DUSP10: variants seen among roughly 807,000 people sequenced by gnomAD.
The protein encoded by DUSP10 is dual specificity phosphatase 10, also known as dual specificity protein phosphatase 10.
A neutral mutation model predicts 30.8 loss-of-function variants in DUSP10; 14 were observed. The observed-to-expected ratio is 0.46, with a 90% CI of 0.30 to 0.71. The LOEUF (loss-of-function observed/expected upper bound fraction) is 0.71, where lower values mean the gene tolerates loss of function less well. Among genes scored for constraint, DUSP10 ranks in the 30% least tolerant of loss-of-function variants. The pLI, the probability that DUSP10 is intolerant of heterozygous loss-of-function variation, is 0.08. For missense variants in DUSP10, 550 were observed against 619.4 expected (o/e 0.89, Z 1.19); for synonymous variants, 254 against 250.4 (o/e 1.01, Z -0.14).
In DUSP10 at chr1:221,702,566, G is replaced by A. The variant is rs1422261499; in HGVS notation, c.1295C>T (p.Thr432Ile). The A allele has an allele frequency of 6.2e-7, 1 of 1,614,158 alleles. No individual in the cohort carries two copies. Among genetic ancestry groups the A allele is most frequent in the East Asian group, 2.2e-5 (1 of 44,872 alleles). ...YLMKHTRMTM[T>I]DAYKFVKGKR... Reference sequence around the variant, plus strand: ...GCCTTTGACAAATTTATAAGCATCAGTCATGGTCATCCGAGTGTGCTTCAT... The same window carrying A: ...GCCTTTGACAAATTTATAAGCATCAATCATGGTCATCCGAGTGTGCTTCAT... Residue 432 changes from threonine to isoleucine, a missense_variant, in exon 4 of 4, where the codon ACT becomes ATT. Transcript: ENST00000366899. This position sits in a 1 kb window ranked among gnomAD's most constrained non-coding sequence, Gnocchi z 4.5.
chr1:221,713,167 G>T lies in DUSP10; in HGVS notation c.812-6701C>A, dbSNP rs73110829. ...AGTAGGAAAAGGAGACCATCCTGCA[G>T]AGGCAACCCCATGCAAGGGCATCAC... On this transcript the variant is annotated intron_variant, in intron 2 of 3. Transcript: ENST00000366899. 1.8e-3 allele frequency among the ~76,000 whole-genome samples: 269 copies of T among 152,314 alleles called. 2 individuals carry two copies. Among genetic ancestry groups the T allele is most frequent in the African/African-American group, 6.4e-3 (264 of 41,562 alleles).
intron 2 of DUSP10, among the ~76,000 whole-genome samples, chr1:221,733,278 AGT>A (rs1413849455): frequency 6.6e-6 from 1 of 152,254 alleles, no homozygotes; most frequent in Non-Finnish European, 1.5e-5. Flanking sequence ...CAAGTAGAAA[AGT>A]GTACATATTC....
intron 2 of DUSP10, among the ~76,000 whole-genome samples, chr1:221,715,184 A>G (rs1661061435): frequency 6.6e-6 from 1 of 152,234 alleles, no homozygotes; most frequent in Non-Finnish European, 1.5e-5. Context: ...ATTATTGCCC[A>G]CATATTTACC....
At chr1:221,711,233 G>C (rs958481676) in intron 2 of DUSP10, among the ~76,000 whole-genome samples, 4 of 152,236 alleles carry the variant, frequency 2.6e-5, no homozygotes, top group African/African-American at 9.6e-5. Context: ...AAACAGAAGA[G>C]TCCTCTGTAA....
intron 2 of DUSP10, among the ~76,000 whole-genome samples, chr1:221,714,668 G>A (rs1437667343): frequency 6.6e-6 from 1 of 152,160 alleles, no homozygotes; most frequent in Non-Finnish European, 1.5e-5. Flanking sequence ...TCCACCACCA[G>A]TCGGCCTTTT....
At chr1:221,734,001 C>A (rs1456509440) in intron 2 of DUSP10, among the ~76,000 whole-genome samples, 1 of 152,200 alleles carries the variant, frequency 6.6e-6, no homozygotes, top group Non-Finnish European at 1.5e-5. Flanking sequence ...TTCAGGACTT[C>A]CTGAAAGACA....
At chr1:221,724,789 C>G (rs1661378852) in intron 2 of DUSP10, among the ~76,000 whole-genome samples, 1 of 152,130 alleles carries the variant, frequency 6.6e-6, no homozygotes, top group South Asian at 2.1e-4. Flanking sequence ...CCACACTACA[C>G]CAGGAAGTCA....
At position 221,739,074 on chromosome 1, in the gene DUSP10, G is replaced by C. The variant is rs1041926601; in HGVS notation, c.671C>G (p.Ser224Cys). 14 of 1,614,204 alleles carry C rather than the reference G, an allele frequency of 8.7e-6. No homozygotes were observed. The highest frequency in any genetic ancestry group is 1.1e-5 in the Non-Finnish European group (13 of 1,180,036). ...TTCTTTGGAAAAGATCCTCTTGAAA[G>C]AGTCCTTGCCTTCCCTACAGGAAAT... Reference protein sequence around the residue: ...DLISCREGKDSFKRIFSKEII... With the variant: ...DLISCREGKDCFKRIFSKEII... Residue 224 changes from serine to cysteine, a missense_variant, in exon 2 of 4, where the codon TCT becomes TGT. Transcript: ENST00000366899.
At chr1:221,731,121 A>G (rs1176449352) in intron 2 of DUSP10, among the ~76,000 whole-genome samples, 1 of 152,210 alleles carries the variant, frequency 6.6e-6, no homozygotes, top group Non-Finnish European at 1.5e-5. Flanking sequence ...TATATAATAG[A>G]AACATAATCA....
In DUSP10 at chr1:221,703,446, GAA is replaced by G. The variant is rs1338394575; in HGVS notation, c.1184-771_1184-770del. ...GGTTAAAGGAATAAAGCTTAACTAG[GAA>G]GATACTATGTTCAGCTTCTCCCCAG... On this transcript the variant is annotated intron_variant, in intron 3 of 3. Transcript: ENST00000366899. Among the ~76,000 whole-genome samples the G allele has an allele frequency of 4.6e-5, 7 of 152,160 alleles. No homozygotes were observed. The East Asian group carries it at 1.3e-3, about 29-fold the overall frequency.
intron 2 of DUSP10, chr1:221,711,705 T>C (rs1402329814): frequency 6.6e-6 from 1 of 152,230 alleles, no homozygotes; most frequent in Admixed American, 6.5e-5. Flanking sequence ...TGTAATATAA[T>C]AATTTCTATC....
At chr1:221,705,358 G>A (rs374233032) in intron 3 of DUSP10, among the ~76,000 whole-genome samples, 4 of 152,094 alleles carry the variant, frequency 2.6e-5, no homozygotes, top group African/African-American at 7.2e-5. Flanking sequence ...TGATCCACCC[G>A]CCTCGGCCTC....
In DUSP10 at chr1:221,706,297, G is replaced by A. The variant is rs750815047; in HGVS notation, c.981C>T (p.Pro327=). 6.2e-6 allele frequency: 10 copies of A among 1,614,206 alleles called. No homozygotes were observed. In the South Asian group the frequency reaches 7.7e-5, roughly 12 times the overall value. The part of the protein sequence containing the change: ...IENAELTPIL[P]FLFLGNEQDA... ...CCTGCTCATTGCCAAGGAACAGGAA[G>A]GGCAAGATGGGGGTGAGCTCAGCGT... The change falls in exon 3 of 4, where the codon CCC becomes CCT. Residue 327 remains proline (P), a synonymous_variant. Coordinates refer to ENST00000366899, the MANE Select transcript of DUSP10 (RefSeq NM_007207.6). The surrounding 1 kb of genome is among the most constrained non-coding windows in gnomAD (Gnocchi z 4.6).
chr1:221,739,112 A>G lies in DUSP10; in HGVS notation c.633T>C (p.Thr211=). The G allele has an allele frequency of 6.2e-7, 1 of 1,614,214 alleles. No individual in the cohort carries two copies. The highest frequency in any genetic ancestry group is 8.5e-7 in the Non-Finnish European group (1 of 1,180,032). Residue 211 remains threonine (T), a synonymous_variant, in exon 2 of 4, where the codon ACT becomes ACC. Transcript: ENST00000366899. ...CCCTACAGGAAATCAAGTCTAGGAC[A>G]GTGATCTTGCCCTGCTGCAGTCTCC... The part of the protein sequence containing the change: ...SRRRLQQGKI[T]VLDLISCREG...
intron 2 of DUSP10, among the ~76,000 whole-genome samples, chr1:221,727,714 A>C (rs989224217): frequency 9.2e-5 from 14 of 152,128 alleles, no homozygotes. Context: ...AATCTCCTTG[A>C]ATTTATTTTA....
intron 2 of DUSP10, among the ~76,000 whole-genome samples, chr1:221,713,878 T>A (rs1013288390): frequency 6.6e-6 from 1 of 152,192 alleles, no homozygotes; most frequent in Non-Finnish European, 1.5e-5. Context: ...GGTGGTCAAT[T>A]TCTTTTTGGA....
chr1:221,718,463 G>A (rs1661183668), intron 2 of DUSP10, among the ~76,000 whole-genome samples: 1 of 152,084 alleles, frequency 6.6e-6, no homozygotes, highest in African/African-American at 2.4e-5. Flanking sequence ...AAAGGAGGGG[G>A]AAAAATCCAT....
At chr1:221,729,234 G>C (rs529836869) in intron 2 of DUSP10, among the ~76,000 whole-genome samples, 2 of 152,306 alleles carry the variant, frequency 1.3e-5, no homozygotes, top group African/African-American at 4.8e-5. Context: ...GATATAATTT[G>C]AGGCAAGGTT....
At position 221,712,652 on chromosome 1, in the gene DUSP10, G is replaced by C. The variant is rs370994038; in HGVS notation, c.812-6186C>G. 2.0e-5 allele frequency among the ~76,000 whole-genome samples: 3 copies of C among 151,792 alleles called. No individual in the cohort carries two copies. The East Asian group carries it at 5.8e-4, about 29-fold the overall frequency. On this transcript the variant is annotated intron_variant, in intron 2 of 3. Coordinates refer to ENST00000366899, the MANE Select transcript of DUSP10 (RefSeq NM_007207.6). ...GCTATATTATTAAGTCTTTTAGGAA[G>C]ATATATCTAAAAATAAGTTAGTCCC...
Sources: allele counts gnomAD v4.1 joint callset (sites outside exome capture counted in the v4.1 genomes callset), GRCh38; gene constraint gnomAD v4.1.1; non-coding constraint Gnocchi (gnomAD v3.1); transcripts MANE v1.5; gene names NCBI Gene and HGNC (gene_info 2026-07-23, HGNC 2026-07-21).